The following SELENOW variants were observed in gnomAD, a reference collection of about 807,000 sequenced individuals.
SELENOW encodes the protein selenoprotein W.
Under a neutral mutation model 16.6 loss-of-function variants are expected in SELENOW, and 20 were observed. That is an observed-to-expected ratio of 1.21 (90% CI 0.85 to 1.76). The LOEUF (loss-of-function observed/expected upper bound fraction) is 1.76, where lower values mean the gene tolerates loss of function less well. SELENOW is among the 40% of genes most tolerant of loss of function. The probability of loss-of-function intolerance (pLI) is 0.00; values close to 1 mark genes in which losing one functional copy is unlikely to be tolerated. For missense variants in SELENOW, 124 were observed against 111.0 expected (o/e 1.12, Z -0.53); for synonymous variants, 44 against 46.2 (o/e 0.95, Z 0.19).
chr19:47,781,401 A>G lies in SELENOW; in HGVS notation c.*18+13A>G, dbSNP rs1967475415. On this transcript the variant is annotated intron_variant, in intron 5 of 5. Coordinates refer to ENST00000601048, the MANE Select transcript of SELENOW (RefSeq NM_003009.4). ...CCTGAAGGCAGAGGTGAGGGGGCCC[A>G]CTAGACAGGGACACCACCCTTTGGA... 7.2e-7 allele frequency: 1 copy of G among 1,384,802 alleles called. No individual in the cohort carries two copies. Among genetic ancestry groups the G allele is most frequent in the Non-Finnish European group, 1.0e-6 (1 of 991,894 alleles). 85.8% of individuals were successfully genotyped at this position (1,384,802 alleles called of 1,614,324 possible). A position where few individuals can be genotyped will look rare whatever the true frequency, so the allele number is the denominator to read the frequency against.
In SELENOW at chr19:47,780,762, G is replaced by T; in HGVS notation, c.54+13G>T. 2 of 1,542,978 alleles carry T rather than the reference G, an allele frequency of 1.3e-6. No individual in the cohort carries two copies. The highest frequency in any genetic ancestry group is 1.8e-6 in the Non-Finnish European group (2 of 1,141,506). On this transcript the variant is annotated intron_variant, in intron 2 of 5. Coordinates refer to ENST00000601048, the MANE Select transcript of SELENOW (RefSeq NM_003009.4). ...CTACAAGTCCAAGGTAAGCAGAGTG[G>T]ATGCCCGGGGGGCATTCCTGGGAGC... is the stretch of plus-strand genomic sequence containing the variant.
At chr19:47,779,171 T>TTC in intron 1 of SELENOW, 1 of 262,410 alleles carries the variant, frequency 3.8e-6, no homozygotes, top group Non-Finnish European at 7.3e-6. Context: ...TCCCCCAATA[T>TTC]CCCGAACAGT....
chr19:47,783,266 T>C (rs1419162586), intron 5 of SELENOW: 1 of 151,968 alleles, frequency 6.6e-6, no homozygotes, highest in Non-Finnish European at 1.5e-5. Context: ...AGTGGCGTGA[T>C]CTCGGCTCAC....
At chr19:47,783,228 G>A (rs542809543) in intron 5 of SELENOW, 6 of 149,524 alleles carry the variant, frequency 4.0e-5, no homozygotes, top group South Asian at 4.2e-4. Flanking sequence ...TTTCTAAGAC[G>A]GAGTCTCTGT....
chr19:47,780,836 C>T, intron 2 of SELENOW, 28 bp from the exon 3 acceptor site: 2 of 1,611,128 alleles, frequency 1.2e-6, no homozygotes, highest in South Asian at 1.1e-5. Flanking sequence ...GGTATGACCC[C>T]TGCTGTGACC....
rs1000501732 is a variant in SELENOW at position 47,780,824 on chromosome 19, C to T, written c.55-40C>T. ...AGAGTGCATATTGGGAGGGGGCTGA[C>T]TGGTATGACCCCTGCTGTGACCTCT... On this transcript the variant is annotated intron_variant, in intron 2 of 5. Coordinates refer to ENST00000601048, the MANE Select transcript of SELENOW (RefSeq NM_003009.4). 3 of 1,608,324 alleles carry T rather than the reference C, an allele frequency of 1.9e-6. No homozygotes were observed. In the Admixed American group the frequency reaches 5.1e-5, roughly 27 times the overall value.
intron 1 of SELENOW, chr19:47,779,911 G>C (rs918780243): frequency 7.1e-6 from 2 of 280,350 alleles, no homozygotes; most frequent in African/African-American, 4.4e-5. Flanking sequence ...CTTCAAGTCT[G>C]GACTGCAGGT....
At chr19:47,779,137 G>A in intron 1 of SELENOW, 1 of 379,958 alleles carries the variant, frequency 2.6e-6, no homozygotes, top group Non-Finnish European at 4.8e-6. Context: ...GGGACCTAAG[G>A]CTCCTCCACC....
chr19:47,780,355 GTTC>G (rs1325853639), intron 1 of SELENOW: 15 of 385,220 alleles, frequency 3.9e-5, no homozygotes, highest in South Asian at 1.7e-4. Context: ...TACGTGTGCT[GTTC>G]TTCTCCTAAT....
Position 47,780,729 on chromosome 19 carries a change from G to A in SELENOW, c.34G>A (p.Ala12Thr), listed in dbSNP as rs574947659. Residue 12 changes from alanine (A) to threonine (T), a missense_variant, in exon 2 of 6, where the codon GCT (alanine) becomes ACT (threonine). Physicochemically the swap from Ala to Thr is moderately conservative, Grantham distance 58. Transcript: ENST00000601048. The stretch of plus-strand genomic sequence containing the variant: ...TGTCTTGGACTCTCCTACCAGTGGC[G>A]CTTGAGGCTACAAGTCCAAGGTAAG... ...ALAVRVVYCG[A>T]UGYKSKYLQL... 173 of 1,561,630 alleles carry A rather than the reference G, an allele frequency of 1.1e-4. No individual in the cohort carries two copies. Among genetic ancestry groups the A allele is most frequent in the Non-Finnish European group, 1.3e-4 (154 of 1,152,566 alleles).
Position 47,778,834 on chromosome 19 carries a change from G to GCCCCCGT in SELENOW, c.29+25_29+31dup, listed in dbSNP as rs1967438333. 1 of 1,597,860 alleles carries GCCCCCGT rather than the reference G, an allele frequency of 6.3e-7. No individual in the cohort carries two copies. The highest frequency in any genetic ancestry group is 8.5e-7 in the Non-Finnish European group (1 of 1,173,406). On this transcript the variant is annotated intron_variant, in intron 1 of 5. Transcript: ENST00000601048. ...TTATTGGTAAGCCCAGCGGCCAGCG[G>GCCCCCGT]CCCCCGTCCCCGACCCCCGCCGGGA... is the stretch of plus-strand genomic sequence containing the variant.
At chr19:47,781,483 G>C in intron 5 of SELENOW, 95 bp downstream of exon 5, 1 of 714,662 alleles carries the variant, frequency 1.4e-6, no homozygotes, top group South Asian at 1.6e-5. Context: ...CCTGGGAGAT[G>C]GGGGGGACAT....
Position 47,778,820 on chromosome 19 carries a change from C to CGCAGCGGCCAGCGG in SELENOW, c.29+6_29+7insGCAGCGGCCAGCGG, listed in dbSNP as rs111841672. ...GCCGTCCGAGTCGTTTATTGGTAAG[C>CGCAGCGGCCAGCGG]CCAGCGGCCAGCGGCCCCCGTCCCC... On this transcript the variant is annotated splice_region_variant and intron_variant, in intron 1 of 5. Coordinates refer to ENST00000601048, the MANE Select transcript of SELENOW (RefSeq NM_003009.4). The CGCAGCGGCCAGCGG allele has an allele frequency of 1.3e-5, 21 of 1,601,992 alleles. No individual in the cohort carries two copies. Among genetic ancestry groups the CGCAGCGGCCAGCGG allele is most frequent in the Non-Finnish European group, 1.7e-5 (20 of 1,174,586 alleles).
In SELENOW at chr19:47,781,548, A is replaced by G. The variant is rs1967477184; in HGVS notation, c.*18+160A>G. ...AGTTAGACCCGGTTGGTGGAGGACA[A>G]CAACTGAGATGGGGTCAGAGGTGTG... On this transcript the variant is annotated intron_variant, in intron 5 of 5. Coordinates refer to ENST00000601048, the MANE Select transcript of SELENOW (RefSeq NM_003009.4). 17 of 612,966 alleles carry G rather than the reference A, an allele frequency of 2.8e-5. No individual in the cohort carries two copies. The South Asian group carries it at 3.0e-4, about 11-fold the overall frequency. 38.0% of individuals were successfully genotyped at this position (612,966 alleles called of 1,614,324 possible).
chr19:47,779,196 A>C (rs10412662), intron 1 of SELENOW: 22,648 of 224,620 alleles, frequency 0.1, 1,366 homozygotes, highest in Middle Eastern at 0.17. Flanking sequence ...GGGTGGGGAC[A>C]GTGAGAGCCC....
chr19:47,782,941 C>G (rs1400002907), intron 5 of SELENOW: 1 of 152,254 alleles, frequency 6.6e-6, no homozygotes. Flanking sequence ...GTCTGATTTT[C>G]CAGTTTGTAA....
intron 5 of SELENOW, chr19:47,784,084 A>G (rs538454950): frequency 1.3e-5 from 2 of 151,914 alleles, no homozygotes; most frequent in African/African-American, 4.8e-5. Context: ...TTTTGTAGAG[A>G]TGGGTTTTTT....
At chr19:47,780,578 C>G (rs1229328411) in intron 1 of SELENOW, 147 bp from the exon 2 acceptor site, 1 of 677,214 alleles carries the variant, frequency 1.5e-6, no homozygotes, top group African/African-American at 1.8e-5. Flanking sequence ...TCTGTCACCT[C>G]TTCTGCTTGG....
At position 47,781,067 on chromosome 19, in the gene SELENOW, A is replaced by G. The variant is rs10427074; in HGVS notation, c.109-41A>G. 11,948 of 1,587,534 alleles carry G rather than the reference A, an allele frequency of 7.5e-3. 591 individuals are homozygous for G. The African/African-American group carries it at 0.13, about 17-fold the overall frequency. On this transcript the variant is annotated intron_variant, in intron 3 of 5. Coordinates refer to ENST00000601048, the MANE Select transcript of SELENOW (RefSeq NM_003009.4). Reference sequence around the variant, plus strand: ...AAGGGGAGGGTCTCCCCAAGAGGACATCTTAGCCCCTCCAACATCTCCCCT... The same window carrying G: ...AAGGGGAGGGTCTCCCCAAGAGGACGTCTTAGCCCCTCCAACATCTCCCCT...
Sources: allele counts gnomAD v4.1 joint callset, GRCh38; gene constraint gnomAD v4.1.1; transcripts MANE v1.5; gene names NCBI Gene and HGNC (gene_info 2026-07-23, HGNC 2026-07-21).